The following FER variants were observed in gnomAD, a reference collection of about 807,000 sequenced individuals.
FER encodes FER tyrosine kinase.
In FER, 63 loss-of-function variants were observed where a neutral mutation model predicts 111.0. That is an observed-to-expected ratio of 0.57 (90% confidence interval 0.46 to 0.70). The LOEUF (loss-of-function observed/expected upper bound fraction) is 0.70, where lower values mean the gene tolerates loss of function less well. Ranked by LOEUF, FER falls within the 30% of genes least tolerant of loss-of-function variation. The pLI is 0.00. For missense variants in FER, 914 were observed against 954.0 expected (o/e 0.96, Z 0.55); for synonymous variants, 327 against 313.9 (o/e 1.04, Z -0.44).
intron 3 of FER, among the ~76,000 whole-genome samples, chr5:108,822,590 A>C (rs1758967707): frequency 6.6e-6 from 1 of 152,140 alleles, no homozygotes; most frequent in Admixed American, 6.5e-5. Context: ...CCAGAGTGAG[A>C]ACTCACTATT....
chr5:108,960,928 A>G (rs1232608347), intron 13 of FER, among the ~76,000 whole-genome samples: 2 of 152,158 alleles, frequency 1.3e-5, no homozygotes, highest in Non-Finnish European at 2.9e-5. Context: ...TATCTCTTAA[A>G]AATACAAAAG....
chr5:108,803,779 C>T (rs1756919477), intron 3 of FER, among the ~76,000 whole-genome samples: 1 of 152,006 alleles, frequency 6.6e-6, no homozygotes, highest in Admixed American at 6.5e-5. Context: ...AAGCCACTGG[C>T]TTTGTTCTCT....
intron 2 of FER, among the ~76,000 whole-genome samples, chr5:108,788,317 C>T (rs568980726): frequency 1.1e-4 from 17 of 152,164 alleles, no homozygotes; most frequent in South Asian, 6.2e-4. Context: ...GGACAGATCC[C>T]GCGCTTGCTC....
At chr5:109,071,885 T>G (rs1775807011) in intron 16 of FER, among the ~76,000 whole-genome samples, 1 of 151,814 alleles carries the variant, frequency 6.6e-6, no homozygotes, top group South Asian at 2.1e-4. Context: ...TACATGGCAA[T>G]GTTTATATAG....
intron 10 of FER, 59 bp from the exon 11 acceptor site, chr5:108,946,071 A>G: frequency 8.7e-7 from 1 of 1,154,282 alleles, no homozygotes; most frequent in Non-Finnish European, 1.3e-6. Context: ...AAATACATAA[A>G]TGTCTATACA....
intron 16 of FER, among the ~76,000 whole-genome samples, chr5:109,082,355 T>C (rs1777085734): frequency 6.6e-6 from 1 of 152,010 alleles, no homozygotes; most frequent in Non-Finnish European, 1.5e-5. Context: ...ACCTGACAAA[T>C]GTCAAATGCA....
chr5:109,027,912 G>A (rs1768986258), intron 13 of FER, among the ~76,000 whole-genome samples: 1 of 152,078 alleles, frequency 6.6e-6, no homozygotes, highest in South Asian at 2.1e-4. Context: ...GCTTATTACT[G>A]TATCTACTTG....
At chr5:108,794,526 A>ACCCCCCCCCCCCCCCCCCCCCCCCC (rs138716410) in intron 2 of FER, among the ~76,000 whole-genome samples, 1 of 106,354 alleles carries the variant, frequency 9.4e-6, no homozygotes, top group African/African-American at 3.8e-5. Flanking sequence ...CCCCCTCCGC[A>ACCCCCCCCCCCCCCCCCCCCCCCCC]CCCCCCCCCC....
chr5:108,900,132 C>G (rs1398841115), intron 10 of FER, among the ~76,000 whole-genome samples: 1 of 151,946 alleles, frequency 6.6e-6, no homozygotes, highest in Non-Finnish European at 1.5e-5. Flanking sequence ...TAAAAGAATA[C>G]TATAATATAT....
intron 2 of FER, among the ~76,000 whole-genome samples, chr5:108,793,496 T>C (rs890935585): frequency 1.4e-5 from 2 of 142,252 alleles, no homozygotes; most frequent in South Asian, 4.6e-4. Context: ...GGTATACTGA[T>C]ATCTATTTTT....
At chr5:109,155,058 A>C (rs1394946879) in intron 17 of FER, among the ~76,000 whole-genome samples, 1 of 151,898 alleles carries the variant, frequency 6.6e-6, no homozygotes, top group Non-Finnish European at 1.5e-5. Context: ...GAGGAGCCCT[A>C]AATAGTTACA....
At chr5:108,874,996 T>C (rs1764944497) in intron 8 of FER, among the ~76,000 whole-genome samples, 1 of 150,112 alleles carries the variant, frequency 6.7e-6, no homozygotes, top group Non-Finnish European at 1.5e-5. Flanking sequence ...ACAGATAACT[T>C]ATCCCCTCTG....
chr5:108,837,575 G>A (rs1038098646), intron 5 of FER, among the ~76,000 whole-genome samples: 2 of 152,202 alleles, frequency 1.3e-5, no homozygotes, highest in East Asian at 1.9e-4. Flanking sequence ...GCTATGTTGT[G>A]TATTTCGCAC....
chr5:109,014,746 CTT>C (rs1766811788), intron 13 of FER: 1 of 152,152 alleles, frequency 6.6e-6, no homozygotes, highest in Admixed American at 6.6e-5. Context: ...TTTGTATCCT[CTT>C]TTATTTCATT....
chr5:109,016,094 T>G (rs957144936), intron 13 of FER, among the ~76,000 whole-genome samples: 1 of 152,028 alleles, frequency 6.6e-6, no homozygotes, highest in Non-Finnish European at 1.5e-5. Flanking sequence ...AGGTGACTTT[T>G]TCCCTCTATA....
intron 13 of FER, among the ~76,000 whole-genome samples, chr5:108,980,124 A>G (rs1445650392): frequency 6.6e-6 from 1 of 152,180 alleles, no homozygotes; most frequent in Non-Finnish European, 1.5e-5. Context: ...TCCTTGAAAC[A>G]AAACAAACAA....
chr5:109,071,513 A>C (rs143784928), intron 16 of FER, among the ~76,000 whole-genome samples: 1 of 152,148 alleles, frequency 6.6e-6, no homozygotes, highest in East Asian at 1.9e-4. Flanking sequence ...TTTTATCTCT[A>C]TATGTATCAT....
At chr5:109,161,983 G>C (rs1236402884) in intron 17 of FER, among the ~76,000 whole-genome samples, 1 of 152,008 alleles carries the variant, frequency 6.6e-6, no homozygotes, top group Non-Finnish European at 1.5e-5. Flanking sequence ...ATCTCATTGT[G>C]GTTTTAATTT....
At chr5:108,808,532 TG>T (rs1757428668) in intron 3 of FER, among the ~76,000 whole-genome samples, 1 of 152,116 alleles carries the variant, frequency 6.6e-6, no homozygotes, top group South Asian at 2.1e-4. Context: ...TGGTTGGGTT[TG>T]TTTTTTTAAT....
Sources: gnomAD v4.1 joint callset for allele counts (sites outside exome capture counted in the v4.1 genomes callset) on GRCh38, gnomAD v4.1.1 for gene constraint, MANE v1.5 for transcripts, NCBI Gene and HGNC (gene_info 2026-07-23, HGNC 2026-07-21) for gene names.